TPST1: variants seen among roughly 807,000 people sequenced by gnomAD.
TPST1 encodes tyrosylprotein sulfotransferase 1.
TPST1 carries 20 observed loss-of-function variants against 34.8 expected under a neutral mutation model. That is an observed-to-expected ratio of 0.57 (90% confidence interval 0.40 to 0.84). The LOEUF (loss-of-function observed/expected upper bound fraction) is 0.84. TPST1 is among the 40% of genes least tolerant of loss of function. The pLI, the probability that TPST1 is intolerant of heterozygous loss-of-function variation, is 0.00. For missense variants in TPST1, 353 were observed against 455.5 expected (o/e 0.78, Z 2.05); for synonymous variants, 152 against 159.4 (o/e 0.95, Z 0.35).
chr7:66,235,939 G>A (rs1239318954), intron 1 of TPST1, among the ~76,000 whole-genome samples: 1 of 152,116 alleles, frequency 6.6e-6, no homozygotes, highest in Non-Finnish European at 1.5e-5. Context: ...CTTTCCAAAG[G>A]AGGCAATCAT....
intron 3 of TPST1, among the ~76,000 whole-genome samples, chr7:66,334,767 C>T (rs894421227): frequency 6.6e-6 from 1 of 152,078 alleles, no homozygotes; most frequent in Non-Finnish European, 1.5e-5. Context: ...GACTGTGCCA[C>T]CCCTTCCCCC....
intron 1 of TPST1, among the ~76,000 whole-genome samples, chr7:66,208,699 C>T (rs1789183498): frequency 6.6e-6 from 1 of 151,942 alleles, no homozygotes; most frequent in Non-Finnish European, 1.5e-5. Flanking sequence ...AAACTCCTGA[C>T]CTCAAGCAGT....
At chr7:66,359,394 TCA>T (rs869088789) in intron 5 of TPST1, 1 of 128,914 alleles carries the variant, frequency 7.8e-6, no homozygotes, top group South Asian at 3.1e-4. Context: ...ACCCATTTCT[TCA>T]CATGAGGAGG....
intron 3 of TPST1, among the ~76,000 whole-genome samples, chr7:66,297,282 G>A (rs1345815583): frequency 6.6e-6 from 1 of 152,092 alleles, no homozygotes; most frequent in African/African-American, 2.4e-5. Flanking sequence ...TCTTCTGTAT[G>A]TGTCCACCGA....
chr7:66,309,681 G>A (rs1318393236), intron 3 of TPST1, among the ~76,000 whole-genome samples: 1 of 152,138 alleles, frequency 6.6e-6, no homozygotes, highest in East Asian at 1.9e-4. Context: ...AGACACTGCT[G>A]ACTGCTTGTT....
At chr7:66,297,883 C>T (rs988044780) in intron 3 of TPST1, among the ~76,000 whole-genome samples, 11 of 152,190 alleles carry the variant, frequency 7.2e-5, no homozygotes, top group African/African-American at 1.2e-4. Flanking sequence ...CATGCTTATT[C>T]ACCCAGTTAC....
chr7:66,309,820 G>T (rs898718107), intron 3 of TPST1, among the ~76,000 whole-genome samples: 2 of 132,062 alleles, frequency 1.5e-5, no homozygotes, highest in African/African-American at 3.0e-5. Context: ...TGTAGCCAGT[G>T]ATACATAAGG....
At chr7:66,337,617 T>A (rs908137950) in intron 3 of TPST1, among the ~76,000 whole-genome samples, 2 of 152,200 alleles carry the variant, frequency 1.3e-5, no homozygotes, top group Non-Finnish European at 2.9e-5. Context: ...CCGACAAAAC[T>A]ATTAAAAACA....
intron 1 of TPST1, among the ~76,000 whole-genome samples, chr7:66,225,276 T>C (rs560280528): frequency 9.2e-5 from 14 of 152,146 alleles, no homozygotes; most frequent in Middle Eastern, 3.4e-3. Flanking sequence ...TGAGAAAATA[T>C]TGATCTGCTG....
chr7:66,311,867 C>G (rs1791539271), intron 3 of TPST1, among the ~76,000 whole-genome samples: 1 of 152,228 alleles, frequency 6.6e-6, no homozygotes, highest in Non-Finnish European at 1.5e-5. Flanking sequence ...TGATTGTGCC[C>G]TTTGACTCAT....
upstream of TPST1, among the ~76,000 whole-genome samples, chr7:66,202,763 T>A (rs1228588545): frequency 6.6e-6 from 1 of 152,122 alleles, no homozygotes; most frequent in Non-Finnish European, 1.5e-5. Context: ...GGCAACATAG[T>A]GAGACCCTGT....
Position 66,205,927 on chromosome 7 carries a change from T to C in TPST1, c.-102+405T>C, listed in dbSNP as rs904182101. ...GCCCCATCATCCTACCCGTTGTACG[T>C]AGTCCTGTCTGCATGGCAGTCGCCC... On this transcript the variant is annotated intron_variant, in intron 1 of 5. Transcript: ENST00000304842. This position sits in a 1 kb window ranked among gnomAD's most constrained non-coding sequence, Gnocchi z 5.0. 2 of 152,348 alleles carry C rather than the reference T, an allele frequency of 1.3e-5. No individual in the cohort carries two copies. Among genetic ancestry groups the C allele is most frequent in the African/African-American group, 4.8e-5 (2 of 41,436 alleles). The allele number at this position is 152,348 out of a possible 1,614,324, so 9.4% of individuals were successfully genotyped here. A position where few individuals can be genotyped will look rare whatever the true frequency, so the allele number is the denominator to read the frequency against.
chr7:66,320,399 C>T (rs1299007378), intron 3 of TPST1, among the ~76,000 whole-genome samples: 1 of 151,528 alleles, frequency 6.6e-6, no homozygotes, highest in East Asian at 1.9e-4. Context: ...AGGCGCCCGC[C>T]ACCATGCCTG....
At chr7:66,301,800 C>T (rs768006898) in intron 3 of TPST1, among the ~76,000 whole-genome samples, 2 of 152,142 alleles carry the variant, frequency 1.3e-5, no homozygotes, top group East Asian at 1.9e-4. Context: ...GATCTCTGAT[C>T]GCACATCACC....
intron 5 of TPST1, among the ~76,000 whole-genome samples, chr7:66,357,896 C>G (rs140195071): frequency 6.6e-6 from 1 of 152,078 alleles, no homozygotes; most frequent in Non-Finnish European, 1.5e-5. Context: ...CCAGCCTGGC[C>G]AACATAGTGA....
At chr7:66,263,110 T>TAAAAAATA (rs545254622) in intron 2 of TPST1, among the ~76,000 whole-genome samples, 1 of 149,704 alleles carries the variant, frequency 6.7e-6, no homozygotes, top group Non-Finnish European at 1.5e-5. Context: ...CATAAAAAAA[T>TAAAAAATA]AAAAAATAAA....
intron 3 of TPST1, among the ~76,000 whole-genome samples, chr7:66,315,849 G>C (rs1418464161): frequency 6.6e-6 from 1 of 152,088 alleles, no homozygotes; most frequent in African/African-American, 2.4e-5. Flanking sequence ...GGTAGCACAC[G>C]CCTGTAATCC....
At chr7:66,203,135 T>C (rs1052707273), upstream of TPST1, among the ~76,000 whole-genome samples, 3 of 152,032 alleles carry the variant, frequency 2.0e-5, no homozygotes, top group Non-Finnish European at 1.5e-5. Flanking sequence ...TAGTCAGTTT[T>C]CTTATCTATC....
intron 3 of TPST1, among the ~76,000 whole-genome samples, chr7:66,315,167 G>A (rs1472929982): frequency 1.3e-5 from 2 of 152,202 alleles, no homozygotes; most frequent in Non-Finnish European, 2.9e-5. Flanking sequence ...TTTATCAAAG[G>A]AATGACTTAA....
Sources: gnomAD v4.1 joint callset for allele counts (sites outside exome capture counted in the v4.1 genomes callset) on GRCh38, gnomAD v4.1.1 for gene constraint, Gnocchi (gnomAD v3.1) non-coding constraint, MANE v1.5 for transcripts, NCBI Gene and HGNC (gene_info 2026-07-23, HGNC 2026-07-21) for gene names.